DYNC1H1: variants seen among roughly 807,000 people sequenced by gnomAD.
The protein encoded by DYNC1H1 is dynein cytoplasmic 1 heavy chain 1, also known as cytoplasmic dynein 1 heavy chain 1.
Under a neutral mutation model 527.1 loss-of-function variants are expected in DYNC1H1, and 51 were observed. The observed-to-expected ratio is 0.10, with a 90% CI of 0.08 to 0.12. The LOEUF (loss-of-function observed/expected upper bound fraction) is 0.12. Ranked by LOEUF, DYNC1H1 falls within the 10% of genes least tolerant of loss-of-function variation. DYNC1H1 has a pLI of 1.00. For synonymous variants in DYNC1H1, 2,189 were observed against 2,278.8 expected, an observed-to-expected ratio of 0.96 and a Z score of 1.12; for missense variants, 2,771 against 5,971.8, an observed-to-expected ratio of 0.46 and a Z score of 17.66.
chr14:101,990,430 C>T (rs2047983642), intron 10 of DYNC1H1, among the ~76,000 whole-genome samples: 1 of 152,208 alleles, frequency 6.6e-6, no homozygotes, highest in South Asian at 2.1e-4. Context: ...GGTGAAGCAG[C>T]ACCTGCTGTC....
In DYNC1H1 at chr14:102,001,802, C is replaced by G; in HGVS notation, c.4542+121C>G. On this transcript the variant is annotated intron_variant, in intron 21 of 77. Transcript: ENST00000360184. The surrounding 1 kb of genome is among the most constrained non-coding windows in gnomAD (Gnocchi z 5.0). ...TATTGTATTTTTTGAGACAGGGTCT[C>G]ACTCTGTCTCCCACGCTGGAGTGCA... 5 of 1,355,524 alleles carry G rather than the reference C, an allele frequency of 3.7e-6. No homozygotes were observed. The highest frequency in any genetic ancestry group is 5.1e-6 in the Non-Finnish European group (5 of 972,238). 84.0% of individuals were successfully genotyped at this position (1,355,524 alleles called of 1,614,324 possible).
chr14:102,046,426 C>A (rs1567024464), intron 72 of DYNC1H1, among the ~76,000 whole-genome samples: 1 of 151,136 alleles, frequency 6.6e-6, no homozygotes, highest in Non-Finnish European at 1.5e-5. Context: ...ATAAGCCAGG[C>A]GAGCTGGGCG....
intron 51 of DYNC1H1, among the ~76,000 whole-genome samples, chr14:102,031,711 T>G (rs1199511048): frequency 6.6e-6 from 1 of 152,118 alleles, no homozygotes; most frequent in East Asian, 1.9e-4. Context: ...TCCCAGCACT[T>G]TGGGAGGCAG....
Position 102,005,758 on chromosome 14 carries a change from T to G in DYNC1H1, c.5434-130T>G, listed in dbSNP as rs767679195. On this transcript the variant is annotated intron_variant, in intron 26 of 77. Transcript: ENST00000360184. The surrounding 1 kb of genome is among the most constrained non-coding windows in gnomAD (Gnocchi z 4.0). Reference sequence around the variant, plus strand: ...CATCTCTGAAAGTGAATTTGCCTTTTGGAACATTTACTGAAAGCCATTGTA... The same window carrying G: ...CATCTCTGAAAGTGAATTTGCCTTTGGGAACATTTACTGAAAGCCATTGTA... 9 of 1,167,194 alleles carry G rather than the reference T, an allele frequency of 7.7e-6. No homozygotes were observed. Among genetic ancestry groups the G allele is most frequent in the Non-Finnish European group, 1.1e-5 (9 of 792,780 alleles). 72.3% of individuals were successfully genotyped at this position (1,167,194 alleles called of 1,614,324 possible).
At position 101,972,457 on chromosome 14, in the gene DYNC1H1, T is replaced by C. The variant is rs115481863; in HGVS notation, c.257-3255T>C. Among the ~76,000 whole-genome samples the C allele has an allele frequency of 3.2e-3, 483 of 152,330 alleles. 5 individuals carry two copies. Among genetic ancestry groups the C allele is most frequent in the African/African-American group, 0.011 (449 of 41,578 alleles). ...TAGAATTTAGCAAAGCAGCAGGGAA[T>C]ATCTATTTGCATTATCGTTGTTTGA... On this transcript the variant is annotated intron_variant, in intron 1 of 77. Coordinates refer to ENST00000360184, the MANE Select transcript of DYNC1H1 (RefSeq NM_001376.5).
intron 10 of DYNC1H1, among the ~76,000 whole-genome samples, chr14:101,989,134 CCT>C (rs2047968015): frequency 6.6e-6 from 1 of 152,094 alleles, no homozygotes; most frequent in Non-Finnish European, 1.5e-5. Context: ...TGTGGAAACT[CCT>C]TGTACTTCCT....
chr14:101,990,408 G>T (rs945006594), intron 10 of DYNC1H1, among the ~76,000 whole-genome samples: 1 of 152,140 alleles, frequency 6.6e-6, no homozygotes, highest in Non-Finnish European at 1.5e-5. Flanking sequence ...GGGCACCAGG[G>T]ACCCAGGAGA....
At chr14:102,008,379 G>A (rs772423616) in intron 29 of DYNC1H1, 42 bp downstream of exon 29, 2 of 1,610,084 alleles carry the variant, frequency 1.2e-6, no homozygotes, top group South Asian at 2.2e-5. Flanking sequence ...AGAATGTAGA[G>A]GGAAATTCCC....
At chr14:102,047,510 C>T (rs1362485968) in intron 72 of DYNC1H1, among the ~76,000 whole-genome samples, 2 of 151,694 alleles carry the variant, frequency 1.3e-5, no homozygotes, top group African/African-American at 2.4e-5. Flanking sequence ...GCACTCCAGT[C>T]TGGGTGACAG....
intron 5 of DYNC1H1, among the ~76,000 whole-genome samples, chr14:101,981,683 A>G (rs1018204038): frequency 1.3e-5 from 2 of 152,234 alleles, no homozygotes; most frequent in African/African-American, 4.8e-5. Flanking sequence ...TACTTAGATC[A>G]CATTGCACAC....
At chr14:102,050,338 A>C in intron 77 of DYNC1H1, 97 bp from the exon 78 acceptor site, 6 of 1,612,020 alleles carry the variant, frequency 3.7e-6, no homozygotes, top group Non-Finnish European at 5.1e-6. Flanking sequence ...GCACCTGTCC[A>C]AACCTCTCCT....
Position 102,028,375 on chromosome 14 carries a change from C to T in DYNC1H1, c.9468+234C>T, listed in dbSNP as rs1437775943. 1.3e-5 allele frequency: 6 copies of T among 453,510 alleles called. No individual in the cohort carries two copies. In the East Asian group the frequency reaches 2.9e-4, roughly 22 times the overall value. 28.1% of individuals were successfully genotyped at this position (453,510 alleles called of 1,614,324 possible). The stretch of plus-strand genomic sequence containing the variant: ...AAAAATACAAAGAAAATTAGCCGGG[C>T]ATGGTGGTGGGCACCTATAGTCCCA... On this transcript the variant is annotated intron_variant, in intron 48 of 77. Coordinates refer to ENST00000360184, the MANE Select transcript of DYNC1H1 (RefSeq NM_001376.5).
chr14:102,031,634 CTTAAAATATTTTGTAAAATATTTTT>C (rs1191199568), intron 51 of DYNC1H1, among the ~76,000 whole-genome samples: 5 of 152,064 alleles, frequency 3.3e-5, no homozygotes, highest in South Asian at 4.2e-4. Flanking sequence ...CACAATTGCA[CTTAAAATATTTTGTAAAATATTTTT>C]TTAAAATATT....
intron 48 of DYNC1H1, 164 bp downstream of exon 48, chr14:102,028,305 A>G: frequency 3.9e-6 from 3 of 761,866 alleles, no homozygotes; most frequent in Non-Finnish European, 4.4e-6. Flanking sequence ...TGAACCCAGG[A>G]GTTCAAGACC....
chr14:101,965,031 C>A lies in DYNC1H1; in HGVS notation c.256+84C>A, dbSNP rs1359165251. The A allele has an allele frequency of 4.9e-6, 7 of 1,425,682 alleles. No homozygotes were observed. Among genetic ancestry groups the A allele is most frequent in the Non-Finnish European group, 6.6e-6 (7 of 1,056,632 alleles). The allele number at this position is 1,425,682 out of a possible 1,614,324, so 88.3% of individuals were successfully genotyped here. A position where few individuals can be genotyped will look rare whatever the true frequency, so the allele number is the denominator to read the frequency against. ...CCAGGTCCTCCGGGGTCGCAGATGT[C>A]CCCGGGATGGGAGGAGCCCGGCAGC... On this transcript the variant is annotated intron_variant, in intron 1 of 77. Transcript: ENST00000360184. The surrounding 1 kb of genome is among the most constrained non-coding windows in gnomAD (Gnocchi z 4.1).
Position 102,044,128 on chromosome 14 carries a change from CTG to C in DYNC1H1, c.12684+84_12684+85del. The C allele has an allele frequency of 6.3e-7, 1 of 1,594,250 alleles. No individual in the cohort carries two copies. Among genetic ancestry groups the C allele is most frequent in the Admixed American group, 1.7e-5 (1 of 57,720 alleles). ...GGGCGTGGTGCTGAGAGGCCAGACT[CTG>C]CGTGGAAGAGCGAGCTGACCCCTCG... is the stretch of plus-strand genomic sequence containing the variant. On this transcript the variant is annotated intron_variant, in intron 70 of 77. Coordinates refer to ENST00000360184, the MANE Select transcript of DYNC1H1 (RefSeq NM_001376.5). This position sits in a 1 kb window ranked among gnomAD's most constrained non-coding sequence, Gnocchi z 7.1.
At chr14:101,966,107 AT>A (rs1421529656) in intron 1 of DYNC1H1, among the ~76,000 whole-genome samples, 1 of 152,206 alleles carries the variant, frequency 6.6e-6, no homozygotes, top group Non-Finnish European at 1.5e-5. Flanking sequence ...GCTTCTTAAA[AT>A]TTCAAAAAAC....
In DYNC1H1 at chr14:102,015,766, C is replaced by T. The variant is rs139349305; in HGVS notation, c.7243-90C>T. The T allele has an allele frequency of 3.5e-4, 501 of 1,415,538 alleles. 7 individuals are homozygous for T. In the East Asian group the frequency reaches 9.8e-3, roughly 28 times the overall value. The allele number at this position is 1,415,538 out of a possible 1,614,324, so 87.7% of individuals were successfully genotyped here. ...TCATCCAAAATGAGTTTTCCAAGGT[C>T]GTATGACCTTCTCCTGGGACCAGGT... On this transcript the variant is annotated intron_variant, in intron 35 of 77. Transcript: ENST00000360184. The surrounding 1 kb of genome is among the most constrained non-coding windows in gnomAD (Gnocchi z 6.9).
chr14:102,048,807 CCTCA>C, intron 74 of DYNC1H1, 138 bp downstream of exon 74: 1 of 655,056 alleles, frequency 1.5e-6, no homozygotes, highest in South Asian at 2.2e-5. Flanking sequence ...GTGCTCTTAC[CCTCA>C]AGGTGGGCGG....
Sources: gnomAD v4.1 joint callset for allele counts (sites outside exome capture counted in the v4.1 genomes callset) on GRCh38, gnomAD v4.1.1 for gene constraint, Gnocchi (gnomAD v3.1) non-coding constraint, MANE v1.5 for transcripts, NCBI Gene and HGNC (gene_info 2026-07-23, HGNC 2026-07-21) for gene names.